The following PKD1L1 variants were observed in gnomAD, a reference collection of about 807,000 sequenced individuals.
PKD1L1 encodes polycystin 1 like 1, transient receptor potential channel interacting.
In PKD1L1, 236 loss-of-function variants were observed where a neutral mutation model predicts 323.4. The observed-to-expected ratio is 0.73, with a 90% CI of 0.66 to 0.81. The LOEUF is 0.81. Among genes scored for constraint, PKD1L1 ranks in the 40% least tolerant of loss-of-function variants. The probability of loss-of-function intolerance (pLI) is 0.00; values close to 1 mark genes in which losing one functional copy is unlikely to be tolerated. For missense variants in PKD1L1, 3,320 were observed against 3,508.0 expected (o/e 0.95, Z 1.35); for synonymous variants, 1,344 against 1,335.0 (o/e 1.01, Z -0.15).
intron 56 of PKD1L1, among the ~76,000 whole-genome samples, chr7:47,776,643 C>T (rs1786574911): frequency 6.6e-6 from 1 of 152,158 alleles, no homozygotes; most frequent in African/African-American, 2.4e-5. Flanking sequence ...AGTTTTGAAG[C>T]TGGGAGGTAG....
intron 1 of PKD1L1, among the ~76,000 whole-genome samples, chr7:47,944,069 C>T (rs548319687): frequency 1.1e-4 from 17 of 152,162 alleles, no homozygotes; most frequent in Admixed American, 2.6e-4. Context: ...TGAGAGGTTC[C>T]GTGCAGTTAC....
chr7:47,818,625 G>A (rs1035774722), intron 46 of PKD1L1, among the ~76,000 whole-genome samples: 4 of 152,146 alleles, frequency 2.6e-5, no homozygotes, highest in African/African-American at 9.7e-5. Flanking sequence ...CCAAAGTGCA[G>A]GTAGTGAACC....
In PKD1L1 at chr7:47,948,447, T is replaced by C. The variant is rs767647897; in HGVS notation, c.-7A>G. The C allele has an allele frequency of 9.9e-6, 16 of 1,614,070 alleles. No homozygotes were observed. Among genetic ancestry groups the C allele is most frequent in the Non-Finnish European group, 1.3e-5 (15 of 1,180,000 alleles). ...GGGCTGCCTCCTCGGCCATGTCCTG[T>C]GCAAGCTGGTCACAAGTATGACAGT... On this transcript the variant is annotated 5_prime_UTR_variant, in exon 1 of 57. Transcript: ENST00000289672.
At chr7:47,855,624 C>A (rs1208452131) in intron 28 of PKD1L1, among the ~76,000 whole-genome samples, 1 of 96,860 alleles carries the variant, frequency 1.0e-5, no homozygotes, top group Non-Finnish European at 2.1e-5. Context: ...CGCCTGTAAT[C>A]CCAGCACTTT....
At chr7:47,825,367 T>G (rs964915442) in intron 45 of PKD1L1, among the ~76,000 whole-genome samples, 12 of 151,904 alleles carry the variant, frequency 7.9e-5, no homozygotes. Context: ...CTGTCTCTAC[T>G]AAAAATACAA....
chr7:47,811,780 T>G (rs1211403645), intron 50 of PKD1L1, 37 bp downstream of exon 50: 1 of 1,518,208 alleles, frequency 6.6e-7, no homozygotes, highest in Admixed American at 1.9e-5. Context: ...CATCTTCCTG[T>G]GCACCTCCAG....
intron 48 of PKD1L1, 29 bp from the exon 49 acceptor site, chr7:47,813,322 A>G: frequency 1.2e-6 from 2 of 1,612,284 alleles, no homozygotes; most frequent in South Asian, 1.1e-5. Flanking sequence ...GTCAGAAGAC[A>G]CAGATACTAT....
rs367854757 is a variant in PKD1L1 at position 47,819,534 on chromosome 7, T to C, written c.6965+1542A>G. On this transcript the variant is annotated intron_variant, in intron 46 of 56. Coordinates refer to ENST00000289672, the MANE Select transcript of PKD1L1 (RefSeq NM_138295.5). The stretch of plus-strand genomic sequence containing the variant: ...CCACCTACTGGCACAGGCTGTGCAC[T>C]TGCACGGATAGGAGAGCTGAAAAGT... The C allele has an allele frequency of 1.5e-5, 21 of 1,360,456 alleles. No individual in the cohort carries two copies. The East Asian group carries it at 4.2e-4, about 27-fold the overall frequency. The allele number at this position is 1,360,456 out of a possible 1,614,324, so 84.3% of individuals were successfully genotyped here.
intron 9 of PKD1L1, among the ~76,000 whole-genome samples, chr7:47,907,425 C>T (rs1301746097): frequency 6.6e-6 from 1 of 151,990 alleles, no homozygotes; most frequent in Non-Finnish European, 1.5e-5. Flanking sequence ...TCCCCATTCC[C>T]ACCCCCAATG....
At chr7:47,909,640 A>G (rs1463289423) in intron 8 of PKD1L1, among the ~76,000 whole-genome samples, 4 of 152,216 alleles carry the variant, frequency 2.6e-5, no homozygotes, top group African/African-American at 9.6e-5. Flanking sequence ...AATGTTTATC[A>G]AAGGACCAAT....
At position 47,815,378 on chromosome 7, in the gene PKD1L1, G is replaced by T; in HGVS notation, c.7045C>A (p.Leu2349Met). The change falls in exon 47 of 57, where the codon CTG becomes ATG. Residue 2349 changes from leucine to methionine, a missense_variant. Coordinates refer to ENST00000289672, the MANE Select transcript of PKD1L1 (RefSeq NM_138295.5). ...GCTGACGGGGTGCCTCCCGGGTACAGGCCATCCAGAAGTGTGGTCAGACTC... is the reference window on the plus strand; with the variant it reads ...GCTGACGGGGTGCCTCCCGGGTACATGCCATCCAGAAGTGTGGTCAGACTC... ...DWSLTTLLDGLYPGGTPSARV... is the reference protein window; with the variant it reads ...DWSLTTLLDGMYPGGTPSARV... 1 of 1,614,144 alleles carries T rather than the reference G, an allele frequency of 6.2e-7. No individual in the cohort carries two copies. Among genetic ancestry groups the T allele is most frequent in the Non-Finnish European group, 8.5e-7 (1 of 1,180,008 alleles).
intron 7 of PKD1L1, among the ~76,000 whole-genome samples, chr7:47,927,341 C>T (rs1004136060): frequency 3.3e-5 from 5 of 151,766 alleles, no homozygotes; most frequent in African/African-American, 7.3e-5. Context: ...TGCAGTGGTG[C>T]GATCTCAGCT....
upstream of PKD1L1, among the ~76,000 whole-genome samples, chr7:47,950,340 T>G (rs1788186052): frequency 6.6e-6 from 1 of 152,134 alleles, no homozygotes; most frequent in Non-Finnish European, 1.5e-5. Context: ...TTTGTGATGT[T>G]TTTGAAGCCA....
chr7:47,872,406 T>C (rs1206560454), intron 24 of PKD1L1, among the ~76,000 whole-genome samples: 1 of 152,148 alleles, frequency 6.6e-6, no homozygotes, highest in Non-Finnish European at 1.5e-5. Flanking sequence ...TAAACTATAA[T>C]AATCAAGGCA....
the PKD1L1 span, among the ~76,000 whole-genome samples, chr7:47,958,199 A>G: frequency 6.6e-6 from 1 of 152,234 alleles, no homozygotes; most frequent in Non-Finnish European, 1.5e-5. Flanking sequence ...AAAATATGCC[A>G]TAAAACTAAA....
chr7:47,857,857 G>A (rs1296463511), intron 27 of PKD1L1, 25 bp from the exon 28 acceptor site: 1 of 1,601,318 alleles, frequency 6.2e-7, no homozygotes, highest in Non-Finnish European at 8.6e-7. Context: ...ATAGGGAGTG[G>A]GATGTTTATA....
At chr7:47,896,583 T>A (rs1261939085) in intron 14 of PKD1L1, among the ~76,000 whole-genome samples, 1 of 152,058 alleles carries the variant, frequency 6.6e-6, no homozygotes, top group African/African-American at 2.4e-5. Context: ...ACAGGCTCTA[T>A]CTACCTCCCC....
chr7:47,820,553 C>T (rs1268443530), intron 46 of PKD1L1, among the ~76,000 whole-genome samples: 1 of 152,054 alleles, frequency 6.6e-6, no homozygotes. Context: ...GGTGAAACCC[C>T]ATCTCTGCTA....
chr7:47,929,878 T>C (rs1439468437), intron 6 of PKD1L1, among the ~76,000 whole-genome samples: 3 of 152,212 alleles, frequency 2.0e-5, no homozygotes, highest in Admixed American at 6.5e-5. Context: ...TCATCACTGA[T>C]TTAATAGACA....
Sources: gnomAD v4.1 joint callset for allele counts (sites outside exome capture counted in the v4.1 genomes callset) on GRCh38, gnomAD v4.1.1 for gene constraint, MANE v1.5 for transcripts, NCBI Gene and HGNC (gene_info 2026-07-23, HGNC 2026-07-21) for gene names.